The following SLC18A1 variants were observed in gnomAD, a reference collection of about 807,000 sequenced individuals.
SLC18A1 encodes solute carrier family 18 member A1.
SLC18A1 carries 69 observed loss-of-function variants against 53.7 expected under a neutral mutation model. The observed-to-expected ratio is 1.28, with a 90% CI of 1.06 to 1.57. SLC18A1 has a LOEUF of 1.57. Ranked by LOEUF, SLC18A1 falls within the 40% of genes most tolerant of loss-of-function variation. SLC18A1 has a pLI of 0.00. For missense variants in SLC18A1, 932 were observed against 668.1 expected (o/e 1.40, Z -4.35); for synonymous variants, 320 against 248.1 (o/e 1.29, Z -2.72).
chr8:20,165,369 C>T (rs986212755), intron 8 of SLC18A1, among the ~76,000 whole-genome samples: 2 of 152,050 alleles, frequency 1.3e-5, no homozygotes, highest in African/African-American at 4.8e-5. Flanking sequence ...AGCCATGGTT[C>T]CTGCGTTCAC....
chr8:20,160,175 A>T (rs115843536), intron 10 of SLC18A1, among the ~76,000 whole-genome samples: 3,795 of 151,388 alleles, frequency 0.025, 177 homozygotes, highest in African/African-American at 0.088. Context: ...TATCCTGGAC[A>T]GGTGGCAATC....
chr8:20,173,168 G>A (rs536615087), intron 5 of SLC18A1, 40 bp from the exon 6 acceptor site: 2 of 1,456,434 alleles, frequency 1.4e-6, no homozygotes, highest in African/African-American at 1.4e-5. Flanking sequence ...CCCCTGGGGG[G>A]CTTCTATCCG....
Position 20,178,370 on chromosome 8 carries a change from C to T in SLC18A1, c.547+65G>A, listed in dbSNP as rs545891460. The stretch of plus-strand genomic sequence containing the variant: ...TTCTAGGTTACCCTGCTATCTACAC[C>T]GCATTCACTTGATAAAATCAAAGGT... On this transcript the variant is annotated intron_variant, in intron 4 of 15. Transcript: ENST00000276373. 47 of 1,303,956 alleles carry T rather than the reference C, an allele frequency of 3.6e-5. 1 individual carries two copies. The highest frequency in any genetic ancestry group is 3.7e-4 in the Middle Eastern group (2 of 5,416). 80.8% of individuals were successfully genotyped at this position (1,303,956 alleles called of 1,614,324 possible).
intron 8 of SLC18A1, among the ~76,000 whole-genome samples, chr8:20,165,424 T>C (rs1219263986): frequency 1.3e-5 from 2 of 152,108 alleles, no homozygotes; most frequent in Non-Finnish European, 2.9e-5. Flanking sequence ...AAGGTCAGGG[T>C]TGGACAATAG....
intron 12 of SLC18A1, among the ~76,000 whole-genome samples, chr8:20,149,349 A>G (rs2071485780): frequency 6.6e-6 from 1 of 152,054 alleles, no homozygotes; most frequent in Admixed American, 6.5e-5. Flanking sequence ...ACCAACATGT[A>G]TCACTTCATA....
intron 10 of SLC18A1, among the ~76,000 whole-genome samples, chr8:20,155,314 A>T (rs1367727961): frequency 6.6e-6 from 1 of 152,222 alleles, no homozygotes; most frequent in East Asian, 1.9e-4. Flanking sequence ...ATCAGAGGAA[A>T]ATACCGAGCA....
At chr8:20,150,596 C>T in intron 11 of SLC18A1, 70 bp downstream of exon 11, 1 of 1,337,774 alleles carries the variant, frequency 7.5e-7, no homozygotes, top group South Asian at 1.2e-5. Context: ...GTTCATCATT[C>T]CAAGATCAGG....
At chr8:20,151,024 T>G (rs2071539394) in intron 10 of SLC18A1, 1 of 391,420 alleles carries the variant, frequency 2.6e-6, no homozygotes, top group African/African-American at 2.0e-5. Context: ...CAGGCTGGAG[T>G]GCAGTGGTAC....
Position 20,150,709 on chromosome 8 carries a change from T to C in SLC18A1, c.1051A>G (p.Ile351Val), listed in dbSNP as rs779111711. ...AACACACCAAAGAGGTTGGTGCCAA[T>C]GAGGTAGGACACACTGGCAGGCAAG... is the stretch of plus-strand genomic sequence containing the variant. Reference protein sequence around the residue: ...AFLPASVSYLIGTNLFGVLAN... With the variant: ...AFLPASVSYLVGTNLFGVLAN... The change falls in exon 11 of 16, where the codon ATT becomes GTT. Residue 351 changes from isoleucine (I) to valine (V), a missense_variant. Physicochemically the swap from Ile to Val is conservative, Grantham distance 29 (BLOSUM62 3). Coordinates refer to ENST00000276373, the MANE Select transcript of SLC18A1 (RefSeq NM_003053.4). The C allele has an allele frequency of 1.2e-6, 2 of 1,614,162 alleles. No homozygotes were observed. The highest frequency in any genetic ancestry group is 8.5e-7 in the Non-Finnish European group (1 of 1,180,014).
At chr8:20,158,042 G>T (rs2071725604) in intron 10 of SLC18A1, among the ~76,000 whole-genome samples, 1 of 152,232 alleles carries the variant, frequency 6.6e-6, no homozygotes, top group Non-Finnish European at 1.5e-5. Flanking sequence ...AAGGTCCTCT[G>T]AGTCAGAAGC....
intron 10 of SLC18A1, among the ~76,000 whole-genome samples, chr8:20,152,058 G>T (rs1272341566): frequency 6.6e-6 from 1 of 152,178 alleles, no homozygotes; most frequent in Non-Finnish European, 1.5e-5. Context: ...TTTCAGGGTT[G>T]GGGAAGGCTT....
intron 8 of SLC18A1, among the ~76,000 whole-genome samples, chr8:20,165,670 C>T (rs1026317451): frequency 2.0e-5 from 3 of 152,178 alleles, no homozygotes; most frequent in African/African-American, 7.2e-5. Context: ...GACACACTCT[C>T]ATCTAAACTT....
At chr8:20,146,968 A>G (rs1164376428) in intron 15 of SLC18A1, among the ~76,000 whole-genome samples, 1 of 152,178 alleles carries the variant, frequency 6.6e-6, no homozygotes, top group Non-Finnish European at 1.5e-5. Flanking sequence ...GCAAGCTAAG[A>G]ACAGTAACTA....
At chr8:20,148,765 A>T (rs1180542562) in intron 12 of SLC18A1, among the ~76,000 whole-genome samples, 1 of 152,152 alleles carries the variant, frequency 6.6e-6, no homozygotes, top group Non-Finnish European at 1.5e-5. Flanking sequence ...TACCGTTTAG[A>T]TGCTGCTGGC....
rs2071361074 is a variant in SLC18A1 at position 20,145,138 on chromosome 8, G to T, written c.*625C>A. 1 of 151,738 alleles carries T rather than the reference G, an allele frequency of 6.6e-6. No homozygotes were observed. The highest frequency in any genetic ancestry group is 2.1e-4 in the South Asian group (1 of 4,818). The allele number at this position is 151,738 out of a possible 1,614,324, so 9.4% of individuals were successfully genotyped here. A position where few individuals can be genotyped will look rare whatever the true frequency, so the allele number is the denominator to read the frequency against. ...CTGTTTCTGAAAGATAATGAAAATA[G>T]AAGACACTTTTCACTGAGGGTAAAG... On this transcript the variant is annotated 3_prime_UTR_variant, in exon 16 of 16. Coordinates refer to ENST00000276373, the MANE Select transcript of SLC18A1 (RefSeq NM_003053.4).
At chr8:20,181,779 C>T (rs1331430722) in intron 1 of SLC18A1, 1 of 152,102 alleles carries the variant, frequency 6.6e-6, no homozygotes, top group Non-Finnish European at 1.5e-5. Context: ...ATCCGAGCCT[C>T]TGAAGGTTAG....
rs918999576 is a variant in SLC18A1 at position 20,169,749 on chromosome 8, C to T, written c.858+1354G>A. Among the ~76,000 whole-genome samples the T allele has an allele frequency of 7.2e-5, 11 of 151,988 alleles. No homozygotes were observed. In the East Asian group the frequency reaches 7.7e-4, roughly 11 times the overall value. On this transcript the variant is annotated intron_variant, in intron 8 of 15. Coordinates refer to ENST00000276373, the MANE Select transcript of SLC18A1 (RefSeq NM_003053.4). ...TAAAAATTAGCTGGGCATGGTGGTGCGTGCTTGTAATCCCAGCTACTTGGG... is the reference window on the plus strand; with the variant it reads ...TAAAAATTAGCTGGGCATGGTGGTGTGTGCTTGTAATCCCAGCTACTTGGG...
chr8:20,171,169 C>G (rs1348961966), intron 7 of SLC18A1, 23 bp from the exon 8 acceptor site: 2 of 1,613,842 alleles, frequency 1.2e-6, no homozygotes, highest in Non-Finnish European at 1.7e-6. Context: ...GAAGGTGAGA[C>G]AGTTCAGCGT....
Position 20,165,094 on chromosome 8 carries a change from G to C in SLC18A1, c.872C>G (p.Thr291Ser). 1 of 1,614,112 alleles carries C rather than the reference G, an allele frequency of 6.2e-7. No individual in the cohort carries two copies. Among genetic ancestry groups the C allele is most frequent in the Non-Finnish European group, 8.5e-7 (1 of 1,179,942 alleles). ...SKVSPESAKG[T>S]PLFMLLKDPY... ...GTCTTTGAGAAGCATAAAGAGGGGA[G>C]TCCCCTTGGCACTCTGAGAACATGG... is the stretch of plus-strand genomic sequence containing the variant. Residue 291 changes from threonine (T) to serine (S), a missense_variant, in exon 9 of 16, where the codon ACT becomes AGT. Coordinates refer to ENST00000276373, the MANE Select transcript of SLC18A1 (RefSeq NM_003053.4).
Sources: allele counts gnomAD v4.1 joint callset (sites outside exome capture counted in the v4.1 genomes callset), GRCh38; gene constraint gnomAD v4.1.1; transcripts MANE v1.5; gene names NCBI Gene and HGNC (gene_info 2026-07-23, HGNC 2026-07-21).